CADPS2: variants seen among roughly 807,000 people sequenced by gnomAD.
CADPS2 encodes calcium dependent secretion activator 2.
A neutral mutation model predicts 172.5 loss-of-function variants in CADPS2; 93 were observed. That is an observed-to-expected ratio of 0.54 (90% confidence interval 0.46 to 0.64). The LOEUF (loss-of-function observed/expected upper bound fraction) is 0.64. Ranked by LOEUF, CADPS2 falls within the 30% of genes least tolerant of loss-of-function variation. The pLI is 0.00. For missense variants in CADPS2, 1,420 were observed against 1,565.9 expected, an observed-to-expected ratio of 0.91 and a Z score of 1.57; for synonymous variants, 546 against 555.2, an observed-to-expected ratio of 0.98 and a Z score of 0.23.
At chr7:122,676,607 T>C in intron 2 of CADPS2, 1 of 1,196,630 alleles carries the variant, frequency 8.4e-7, no homozygotes, top group East Asian at 2.5e-5. Flanking sequence ...TACAGAGAGA[T>C]CCTGCTTCCC....
At chr7:122,665,811 C>G (rs956167963) in intron 2 of CADPS2, among the ~76,000 whole-genome samples, 1 of 152,220 alleles carries the variant, frequency 6.6e-6, no homozygotes, top group Admixed American at 6.5e-5. Flanking sequence ...CTTCCTCTCT[C>G]TTTACCAGCT....
At position 122,573,732 on chromosome 7, in the gene CADPS2, T is replaced by G. The variant is rs149337396; in HGVS notation, c.1335+7447A>C. The stretch of plus-strand genomic sequence containing the variant: ...TATTACACAGTAATTCATTCACAAA[T>G]AAAAGTGCACTGGCAGCCAGATAGT... On this transcript the variant is annotated intron_variant, in intron 7 of 29. Coordinates refer to ENST00000449022, the MANE Select transcript of CADPS2 (RefSeq NM_017954.11). Among the ~76,000 whole-genome samples the G allele has an allele frequency of 3.4e-3, 521 of 152,188 alleles. 3 individuals carry two copies. The highest frequency in any genetic ancestry group is 5.9e-3 in the Non-Finnish European group (404 of 67,990).
intron 1 of CADPS2, among the ~76,000 whole-genome samples, chr7:122,832,337 AC>A (rs1806819624): frequency 6.6e-6 from 1 of 151,860 alleles, no homozygotes; most frequent in Non-Finnish European, 1.5e-5. Context: ...GTGTGCACAC[AC>A]ACAATAGTAA....
chr7:122,629,235 G>T lies in CADPS2; in HGVS notation c.867+13C>A. 6.3e-7 allele frequency: 1 copy of T among 1,599,506 alleles called. No homozygotes were observed. On this transcript the variant is annotated intron_variant, in intron 4 of 29. Transcript: ENST00000449022. The stretch of plus-strand genomic sequence containing the variant: ...AAGGAATGTCATACAGTATGTCCAA[G>T]TTAATAATTTACCTTTGCCATTTTA...
chr7:122,343,079 T>C (rs112731929), intron 28 of CADPS2, among the ~76,000 whole-genome samples: 4,151 of 152,240 alleles, frequency 0.027, 195 homozygotes, highest in African/African-American at 0.096. Flanking sequence ...CTAACTGTAA[T>C]TGAGGCAAAT....
At chr7:122,609,807 G>A (rs1198916014) in intron 6 of CADPS2, among the ~76,000 whole-genome samples, 3 of 152,108 alleles carry the variant, frequency 2.0e-5, no homozygotes, top group African/African-American at 7.2e-5. Flanking sequence ...TCAGACAGAA[G>A]GATGAATTTA....
intron 6 of CADPS2, among the ~76,000 whole-genome samples, chr7:122,599,055 G>A (rs1386287747): frequency 6.6e-6 from 1 of 152,094 alleles, no homozygotes; most frequent in African/African-American, 2.4e-5. Context: ...AAAGTAGTTA[G>A]GTGCAGAATG....
At chr7:122,831,873 G>A (rs1806667070) in intron 1 of CADPS2, among the ~76,000 whole-genome samples, 1 of 152,088 alleles carries the variant, frequency 6.6e-6, no homozygotes, top group Non-Finnish European at 1.5e-5. Context: ...ATGAAAGTCT[G>A]TCTTTAAAAA....
Position 122,545,207 on chromosome 7 carries a change from TTC to T in CADPS2, c.1475+9341_1475+9342del, listed in dbSNP as rs146886943. On this transcript the variant is annotated intron_variant, in intron 8 of 29. Coordinates refer to ENST00000449022, the MANE Select transcript of CADPS2 (RefSeq NM_017954.11). ...TCTTGGTATAAAAAAGACTCAATAG[TTC>T]TCTCAAAAATCAAGGGAGTGGGGAC... is the stretch of plus-strand genomic sequence containing the variant. Among the ~76,000 whole-genome samples, 1,068 of 152,228 alleles carry T rather than the reference TTC, an allele frequency of 7.0e-3. 10 individuals carry two copies. Among genetic ancestry groups the T allele is most frequent in the African/African-American group, 0.025 (1,029 of 41,542 alleles).
At chr7:122,713,788 G>A (rs1180403606) in intron 2 of CADPS2, among the ~76,000 whole-genome samples, 1 of 152,002 alleles carries the variant, frequency 6.6e-6, no homozygotes, top group South Asian at 2.1e-4. Flanking sequence ...CATAGAAGAT[G>A]CATGAAAACA....
chr7:122,528,490 C>T (rs976417006), intron 8 of CADPS2, among the ~76,000 whole-genome samples: 44 of 152,072 alleles, frequency 2.9e-4, no homozygotes, highest in South Asian at 1.0e-3. Context: ...AAAATTATAA[C>T]GTTCAGCTTC....
intron 15 of CADPS2, among the ~76,000 whole-genome samples, chr7:122,444,770 C>T (rs889259689): frequency 6.6e-6 from 1 of 152,102 alleles, no homozygotes; most frequent in Admixed American, 6.5e-5. Flanking sequence ...CTAACAATGT[C>T]TTTGGAAGAT....
chr7:122,324,933 C>A (rs1269254733), intron 29 of CADPS2, among the ~76,000 whole-genome samples: 1 of 152,090 alleles, frequency 6.6e-6, no homozygotes, highest in African/African-American at 2.4e-5. Context: ...CCTTGCCGAA[C>A]TTATGTGATG....
chr7:122,645,322 T>C (rs1314390869), intron 3 of CADPS2, among the ~76,000 whole-genome samples: 1 of 114,068 alleles, frequency 8.8e-6, no homozygotes, highest in African/African-American at 2.8e-5. Flanking sequence ...TGTGTATACA[T>C]GTACATATAT....
chr7:122,578,268 C>A (rs952064201), intron 7 of CADPS2, among the ~76,000 whole-genome samples: 28 of 152,082 alleles, frequency 1.8e-4, no homozygotes, highest in African/African-American at 6.5e-4. Flanking sequence ...CATCCAGAGA[C>A]GAACACCAAT....
intron 27 of CADPS2, among the ~76,000 whole-genome samples, chr7:122,351,431 C>G (rs1245254252): frequency 7.9e-6 from 1 of 126,270 alleles, no homozygotes; most frequent in Admixed American, 8.1e-5. Flanking sequence ...AAGAATGAAG[C>G]AGCCAGTTAA....
chr7:122,803,514 T>C (rs766771499), intron 1 of CADPS2, among the ~76,000 whole-genome samples: 1 of 152,124 alleles, frequency 6.6e-6, no homozygotes, highest in African/African-American at 2.4e-5. Context: ...GTGTTTTCTA[T>C]CAGAATCACA....
chr7:122,559,451 G>A (rs1013861870), intron 7 of CADPS2, among the ~76,000 whole-genome samples: 2 of 152,066 alleles, frequency 1.3e-5, no homozygotes, highest in African/African-American at 2.4e-5. Flanking sequence ...TTTCTGCCAT[G>A]TCAATTCTCT....
chr7:122,496,073 T>C (rs1262303342), intron 9 of CADPS2, among the ~76,000 whole-genome samples: 1 of 152,220 alleles, frequency 6.6e-6, no homozygotes, highest in Non-Finnish European at 1.5e-5. Flanking sequence ...AGAAATGTTA[T>C]TGCATTTTGT....
Sources: allele counts gnomAD v4.1 joint callset (sites outside exome capture counted in the v4.1 genomes callset), GRCh38; gene constraint gnomAD v4.1.1; transcripts MANE v1.5; gene names NCBI Gene and HGNC (gene_info 2026-07-23, HGNC 2026-07-21).